The following CDH8 variants were observed in gnomAD, a reference collection of about 807,000 sequenced individuals.
The protein encoded by CDH8 is cadherin 8, also known as cadherin-8.
Under a neutral mutation model 68.1 loss-of-function variants are expected in CDH8, and 17 were observed. That is an observed-to-expected ratio of 0.25 (90% confidence interval 0.17 to 0.37). The LOEUF (loss-of-function observed/expected upper bound fraction) is 0.37. Ranked by LOEUF, CDH8 falls within the 10% of genes least tolerant of loss-of-function variation. CDH8 has a pLI of 1.00. For synonymous variants in CDH8, 372 were observed against 365.1 expected (o/e 1.02, Z -0.21); for missense variants, 763 against 999.3 (o/e 0.76, Z 3.19).
Position 61,650,702 on chromosome 16 carries a change from T to TGAGAGA in CDH8, c.*2905_*2906insTCTCTC, listed in dbSNP as rs1301300928. The TGAGAGA allele has an allele frequency of 8.0e-4, 74 of 92,240 alleles. No individual in the cohort carries two copies. Among genetic ancestry groups the TGAGAGA allele is most frequent in the African/African-American group, 2.9e-3 (58 of 19,970 alleles). The allele number at this position is 92,240 out of a possible 1,614,324, so 5.7% of individuals were successfully genotyped here. A position where few individuals can be genotyped will look rare whatever the true frequency, so the allele number is the denominator to read the frequency against. ...GTGTGTGTGTGTGTGTGTGTGTGTGTGTGTGAGAGAGAGAGAGAGAGAGAG... is the reference window on the plus strand; with the variant it reads ...GTGTGTGTGTGTGTGTGTGTGTGTGTGAGAGAGTGTGAGAGAGAGAGAGAGAGAGAG... On this transcript the variant is annotated 3_prime_UTR_variant, in exon 12 of 12. Coordinates refer to ENST00000577390, the MANE Select transcript of CDH8 (RefSeq NM_001796.5).
chr16:61,712,828 T>G (rs1431970092), intron 10 of CDH8, among the ~76,000 whole-genome samples: 1 of 151,670 alleles, frequency 6.6e-6, no homozygotes, highest in Non-Finnish European at 1.5e-5. Flanking sequence ...AGCATTTTGT[T>G]CAAAGGCAAG....
chr16:61,741,561 G>A (rs1959872682), intron 8 of CDH8, among the ~76,000 whole-genome samples: 1 of 152,052 alleles, frequency 6.6e-6, no homozygotes, highest in African/African-American at 2.4e-5. Context: ...ACGGTTGGAA[G>A]CACAAGTCAC....
chr16:61,962,733 A>C (rs150789856), intron 2 of CDH8, among the ~76,000 whole-genome samples: 1 of 152,334 alleles, frequency 6.6e-6, no homozygotes, highest in Non-Finnish European at 1.5e-5. Context: ...TGTAAAATAT[A>C]AAATAAGCCT....
chr16:62,024,559 GT>G (rs1902150894), intron 1 of CDH8, among the ~76,000 whole-genome samples: 1 of 152,178 alleles, frequency 6.6e-6, no homozygotes, highest in Non-Finnish European at 1.5e-5. Flanking sequence ...ATTGCAGTGA[GT>G]TCCCTCTACC....
intron 8 of CDH8, among the ~76,000 whole-genome samples, chr16:61,733,412 T>C (rs1959588600): frequency 6.6e-6 from 1 of 151,932 alleles, no homozygotes; most frequent in Non-Finnish European, 1.5e-5. Flanking sequence ...ATCTTTATGC[T>C]GTAGGATTTG....
At chr16:61,861,389 G>A (rs758937045) in intron 3 of CDH8, among the ~76,000 whole-genome samples, 3 of 152,120 alleles carry the variant, frequency 2.0e-5, no homozygotes, top group African/African-American at 4.8e-5. Flanking sequence ...ACTGTTTCCT[G>A]TTAAATGGAA....
chr16:61,923,761 A>AAT (rs1964412635), intron 2 of CDH8, among the ~76,000 whole-genome samples: 1 of 147,364 alleles, frequency 6.8e-6, no homozygotes, highest in Non-Finnish European at 1.5e-5. Context: ...TATATATTTA[A>AAT]ATATATATAA....
intron 2 of CDH8, among the ~76,000 whole-genome samples, chr16:62,018,946 C>T (rs1902007539): frequency 2.0e-5 from 3 of 152,188 alleles, no homozygotes; most frequent in Non-Finnish European, 2.9e-5. Flanking sequence ...AATCAGTTAT[C>T]GGATTCTGAG....
intron 8 of CDH8, among the ~76,000 whole-genome samples, chr16:61,771,203 C>T (rs899104627): frequency 6.6e-6 from 1 of 151,854 alleles, no homozygotes; most frequent in African/African-American, 2.4e-5. Flanking sequence ...TCACCTGACA[C>T]ATCAATTCCT....
At chr16:62,002,054 T>C (rs907079786) in intron 2 of CDH8, among the ~76,000 whole-genome samples, 16 of 152,212 alleles carry the variant, frequency 1.1e-4, no homozygotes, top group African/African-American at 3.9e-4. Context: ...AATCTTTTTG[T>C]GTGTCTTCAT....
At chr16:61,897,359 C>T (rs1311231361) in intron 3 of CDH8, among the ~76,000 whole-genome samples, 2 of 151,920 alleles carry the variant, frequency 1.3e-5, no homozygotes, top group Non-Finnish European at 2.9e-5. Context: ...TTCAAGTGAA[C>T]CCCCTGCCTC....
At chr16:61,943,099 C>T (rs536600875) in intron 2 of CDH8, among the ~76,000 whole-genome samples, 77 of 152,224 alleles carry the variant, frequency 5.1e-4, no homozygotes, top group Non-Finnish European at 1.0e-3. Context: ...AAAAGAAAAA[C>T]ACCAATACAG....
chr16:61,768,175 T>G (rs531360437), intron 8 of CDH8, among the ~76,000 whole-genome samples: 2 of 152,032 alleles, frequency 1.3e-5, no homozygotes, highest in East Asian at 3.9e-4. Context: ...ACCAAGTGAT[T>G]TGAAAAACAT....
At chr16:61,835,043 G>T (rs1597006251) in intron 4 of CDH8, among the ~76,000 whole-genome samples, 2 of 152,004 alleles carry the variant, frequency 1.3e-5, no homozygotes, top group East Asian at 1.9e-4. Context: ...TCCGCAGAAT[G>T]CTTAGTAAGA....
intron 10 of CDH8, among the ~76,000 whole-genome samples, chr16:61,702,311 G>A (rs1964446021): frequency 6.6e-6 from 1 of 152,084 alleles, no homozygotes; most frequent in African/African-American, 2.4e-5. Flanking sequence ...GGCGGAGCTT[G>A]CAGTGAGCGG....
At chr16:61,988,320 A>G (rs957802085) in intron 2 of CDH8, among the ~76,000 whole-genome samples, 1 of 152,240 alleles carries the variant, frequency 6.6e-6, no homozygotes, top group Non-Finnish European at 1.5e-5. Context: ...TCATCTATAG[A>G]GAAAAAACTC....
chr16:61,677,914 A>AT (rs1963944765), intron 10 of CDH8, among the ~76,000 whole-genome samples: 1 of 151,994 alleles, frequency 6.6e-6, no homozygotes, highest in South Asian at 2.1e-4. Flanking sequence ...GTCGACCAGC[A>AT]TTTAACGTCA....
chr16:61,823,416 T>G (rs1332277693), intron 5 of CDH8, among the ~76,000 whole-genome samples: 2 of 151,956 alleles, frequency 1.3e-5, no homozygotes, highest in Non-Finnish European at 2.9e-5. Context: ...TATTATCATT[T>G]ATCTTCCTCA....
rs1404464718 is a variant in CDH8, at chr16:61,713,912, C to G, written c.1583G>C (p.Gly528Ala). The change falls in exon 10 of 12, where the codon GGA becomes GCA. Residue 528 changes from glycine to alanine, a missense_variant. By Grantham distance (60) the Gly-to-Ala change is moderately conservative (BLOSUM62 0). Transcript: ENST00000577390. ...AAGGAGACTGTATAAGAAATAATGT[C>G]CGTTTTTGGGATCATCTTTGTCCAT... ...SAMDKDDPKN[G>A]HYFLYSLLPE... 3 of 1,609,772 alleles carry G rather than the reference C, an allele frequency of 1.9e-6. No individual in the cohort carries two copies. The highest frequency in any genetic ancestry group is 3.3e-5 in the Admixed American group (2 of 59,802).
Sources: allele counts gnomAD v4.1 joint callset (sites outside exome capture counted in the v4.1 genomes callset), GRCh38; gene constraint gnomAD v4.1.1; transcripts MANE v1.5; gene names NCBI Gene and HGNC (gene_info 2026-07-23, HGNC 2026-07-21).